Variants in DMPK observed in about 807,000 individuals in gnomAD.
The protein encoded by DMPK is myotonin-protein kinase.
Under a neutral mutation model 70.3 loss-of-function variants are expected in DMPK, and 32 were observed. The observed-to-expected ratio is 0.46, with a 90% CI of 0.34 to 0.61. The LOEUF (loss-of-function observed/expected upper bound fraction) is 0.61, where lower values mean the gene tolerates loss of function less well. Among genes scored for constraint, DMPK ranks in the 20% least tolerant of loss-of-function variants. The pLI is 0.01. For missense variants in DMPK, 899 were observed against 886.0 expected, an observed-to-expected ratio of 1.01 and a Z score of -0.19; for synonymous variants, 469 against 390.9, an observed-to-expected ratio of 1.20 and a Z score of -2.36.
chr19:45,780,728 G>A, intron 1 of DMPK: 5 of 616,644 alleles, frequency 8.1e-6, no homozygotes, highest in Non-Finnish European at 1.0e-5. Flanking sequence ...GGAGGAAAGA[G>A]AGGGGTTCCG....
chr19:45,781,779 C>A (rs1048525198), intron 1 of DMPK, among the ~76,000 whole-genome samples: 3 of 152,212 alleles, frequency 2.0e-5, no homozygotes, highest in African/African-American at 7.2e-5. Context: ...TGCTGGCCCT[C>A]CTGGCTTGCC....
chr19:45,781,263 G>A (rs1970100318), intron 1 of DMPK, among the ~76,000 whole-genome samples: 1 of 152,212 alleles, frequency 6.6e-6, no homozygotes, highest in Non-Finnish European at 1.5e-5. Flanking sequence ...GGCCAGAGGG[G>A]CAGGGTGCTG....
chr19:45,780,132 G>C (rs918535880), intron 1 of DMPK: 2 of 1,441,984 alleles, frequency 1.4e-6, no homozygotes, highest in African/African-American at 1.4e-5. Flanking sequence ...TGTGCAGGAT[G>C]GTTAGGGTGG....
In DMPK at chr19:45,774,936, G is replaced by A. The variant is rs1421153065; in HGVS notation, c.1232+13C>T. 1 of 1,612,160 alleles carries A rather than the reference G, an allele frequency of 6.2e-7. No individual in the cohort carries two copies. The highest frequency in any genetic ancestry group is 1.7e-5 in the Admixed American group (1 of 60,018). ...CCTCGTGGCCCCTGGAGGCCGTCCA[G>A]GGCAGTGCTTACCTGAGGGCCATGC... On this transcript the variant is annotated intron_variant, in intron 9 of 14. Coordinates refer to ENST00000291270, the MANE Select transcript of DMPK (RefSeq NM_004409.5).
chr19:45,779,248 C>A lies in DMPK; in HGVS notation c.432+16G>T. 6.2e-7 allele frequency: 1 copy of A among 1,613,104 alleles called. No homozygotes were observed. ...GCTCTTGTCCCTCTTCCTAGTCACC[C>A]CGGCCCGGAGCTCACCAGGTAGTTC... On this transcript the variant is annotated intron_variant, in intron 4 of 14. Coordinates refer to ENST00000291270, the MANE Select transcript of DMPK (RefSeq NM_004409.5).
Position 45,770,225 on chromosome 19 carries a change from G to GCAGCAGCAGCAGCAA in DMPK, c.*262_*263insTTGCTGCTGCTGCTG. 6.8e-6 allele frequency: 1 copy of GCAGCAGCAGCAGCAA among 146,492 alleles called. No homozygotes were observed. Among genetic ancestry groups the GCAGCAGCAGCAGCAA allele is most frequent in the East Asian group, 6.2e-4 (1 of 1,614 alleles). The allele number at this position is 146,492 out of a possible 1,614,324, so 9.1% of individuals were successfully genotyped here. On this transcript the variant is annotated 3_prime_UTR_variant, in exon 15 of 15. Coordinates refer to ENST00000291270, the MANE Select transcript of DMPK (RefSeq NM_004409.5). ...CCCCCCAGCAGCAGCAGCAGCAGCA[G>GCAGCAGCAGCAGCAA]CAGCAGCAGCAGCAGCAGCAGCAGC...
rs769513377 is a variant in DMPK at position 45,778,543 on chromosome 19, C to T, written c.531G>A (p.Ala177=). Reference sequence around the variant, plus strand: ...CCGAGTCTATGGCCATGACAATCTCCGCCAGGTAGAAGCGCGCCATCTCGG... The same window carrying T: ...CCGAGTCTATGGCCATGACAATCTCTGCCAGGTAGAAGCGCGCCATCTCGG... ...IPAEMARFYL[A]EIVMAIDSVH... The change falls in exon 5 of 15, where the codon GCG becomes GCA. Residue 177 remains alanine, a synonymous_variant. Transcript: ENST00000291270. 9 of 1,613,872 alleles carry T rather than the reference C, an allele frequency of 5.6e-6. No individual in the cohort carries two copies. Among genetic ancestry groups the T allele is most frequent in the Admixed American group, 1.7e-5 (1 of 59,998 alleles).
In DMPK at chr19:45,770,067, T is replaced by C. The variant is rs1019543541; in HGVS notation, c.*421A>G. 6.1e-6 allele frequency: 3 copies of C among 491,370 alleles called. No homozygotes were observed. Among genetic ancestry groups the C allele is most frequent in the Admixed American group, 2.9e-5 (1 of 34,836 alleles). 30.4% of individuals were successfully genotyped at this position (491,370 alleles called of 1,614,324 possible). On this transcript the variant is annotated 3_prime_UTR_variant, in exon 15 of 15. Coordinates refer to ENST00000291270, the MANE Select transcript of DMPK (RefSeq NM_004409.5). The stretch of plus-strand genomic sequence containing the variant: ...TCATGCACAAGAAAGCTTTGCACTT[T>C]GCGAACCAACGATAGGTGGGGGTGC...
At position 45,770,110 on chromosome 19, in the gene DMPK, G is replaced by C; in HGVS notation, c.*378C>G. 2 of 603,890 alleles carry C rather than the reference G, an allele frequency of 3.3e-6. No homozygotes were observed. The highest frequency in any genetic ancestry group is 1.7e-5 in the South Asian group (1 of 58,478). 37.4% of individuals were successfully genotyped at this position (603,890 alleles called of 1,614,324 possible). A position where few individuals can be genotyped will look rare whatever the true frequency, so the allele number is the denominator to read the frequency against. The stretch of plus-strand genomic sequence containing the variant: ...GGGGGTGCGTGGAGGATGGAACACG[G>C]ACGGCCCGGCTTGCTGCCTTCCCAG... On this transcript the variant is annotated 3_prime_UTR_variant, in exon 15 of 15. Coordinates refer to ENST00000291270, the MANE Select transcript of DMPK (RefSeq NM_004409.5).
At chr19:45,775,149 T>C in intron 8 of DMPK, 115 bp from the exon 9 acceptor site, 6 of 742,456 alleles carry the variant, frequency 8.1e-6, no homozygotes, top group South Asian at 8.1e-5. Flanking sequence ...TTATCTAAAG[T>C]GGCCCCTCCA....
chr19:45,781,329 G>A (rs934594991), intron 1 of DMPK, among the ~76,000 whole-genome samples: 4 of 152,172 alleles, frequency 2.6e-5, no homozygotes. Context: ...GGGAGGAGGT[G>A]GGCAGACAAG....
Position 45,777,297 on chromosome 19 carries a change from C to G in DMPK, c.1146+30G>C, listed in dbSNP as rs373470824. ...TATGGAGGGAGCATGGGGAGGTTCC[C>G]GCAGCCGAGCAGGGGCCACAGGTAC... is the stretch of plus-strand genomic sequence containing the variant. On this transcript the variant is annotated intron_variant, in intron 8 of 14. Coordinates refer to ENST00000291270, the MANE Select transcript of DMPK (RefSeq NM_004409.5). This position sits in a 1 kb window ranked among gnomAD's most constrained non-coding sequence, Gnocchi z 6.7. The G allele has an allele frequency of 3.3e-6, 5 of 1,531,848 alleles. No individual in the cohort carries two copies. The highest frequency in any genetic ancestry group is 2.8e-5 in the African/African-American group (2 of 72,464). The allele number at this position is 1,531,848 out of a possible 1,614,324, so 94.9% of individuals were successfully genotyped here.
At chr19:45,771,440 G>A in intron 12 of DMPK, 44 bp from the exon 13 acceptor site, 5 of 1,611,056 alleles carry the variant, frequency 3.1e-6, no homozygotes, top group Non-Finnish European at 4.2e-6. Flanking sequence ...GAGGGGCGAA[G>A]GAGGGCGGTG....
chr19:45,772,345 TG>T, intron 10 of DMPK: 1 of 373,788 alleles, frequency 2.7e-6, no homozygotes, highest in Non-Finnish European at 4.8e-6. Context: ...GCCTTTGCCC[TG>T]GAGGCTCTCG....
In DMPK at chr19:45,782,239, G is replaced by A. The variant is rs764925151; in HGVS notation, c.114C>T (p.Ala38=). ...CGTACTTGTCCTGGGCCAGTTCGGA[G>A]GCGCCCAGCTCCTGGTGGACGCCCA... ...LLLGVHQELG[A]SELAQDKYVA... is the part of the protein sequence containing the mutation. Residue 38 remains alanine, a synonymous_variant, in exon 1 of 15, where the codon GCC becomes GCT. Coordinates refer to ENST00000291270, the MANE Select transcript of DMPK (RefSeq NM_004409.5). The A allele has an allele frequency of 2.5e-5, 40 of 1,609,918 alleles. No individual in the cohort carries two copies. Among genetic ancestry groups the A allele is most frequent in the Non-Finnish European group, 3.1e-5 (37 of 1,178,672 alleles).
In DMPK at chr19:45,782,359, C is replaced by T. The variant is rs773176765; in HGVS notation, c.-7G>A. On this transcript the variant is annotated 5_prime_UTR_variant, in exon 1 of 15. Coordinates refer to ENST00000291270, the MANE Select transcript of DMPK (RefSeq NM_004409.5). ...GCCGCACCTCGGCTGACATGTTGGACAGGCAGCACCATGGCCCCTCCCCGG... is the reference window on the plus strand; with the variant it reads ...GCCGCACCTCGGCTGACATGTTGGATAGGCAGCACCATGGCCCCTCCCCGG... 7.7e-6 allele frequency: 12 copies of T among 1,561,996 alleles called. No homozygotes were observed. In the Admixed American group the frequency reaches 2.1e-4, roughly 27 times the overall value.
rs775329161 is a variant in DMPK, at chr19:45,770,103, G to A, written c.*385C>T. ...GATAGGTGGGGGTGCGTGGAGGATGGAACACGGACGGCCCGGCTTGCTGCC... is the reference window on the plus strand; with the variant it reads ...GATAGGTGGGGGTGCGTGGAGGATGAAACACGGACGGCCCGGCTTGCTGCC... On this transcript the variant is annotated 3_prime_UTR_variant, in exon 15 of 15. Transcript: ENST00000291270. The A allele has an allele frequency of 3.4e-6, 2 of 586,884 alleles. No individual in the cohort carries two copies. Among genetic ancestry groups the A allele is most frequent in the African/African-American group, 1.9e-5 (1 of 52,796 alleles). 36.4% of individuals were successfully genotyped at this position (586,884 alleles called of 1,614,324 possible).
chr19:45,780,055 C>T (rs2146259417), intron 1 of DMPK, 186 bp from the exon 2 acceptor site: 5 of 1,531,856 alleles, frequency 3.3e-6, no homozygotes, highest in Non-Finnish European at 4.4e-6. Flanking sequence ...AAAATGCCCT[C>T]CCATAGAGGT....
In DMPK at chr19:45,782,313, C is replaced by T. The variant is rs1970170218; in HGVS notation, c.40G>A (p.Val14Met). Residue 14 changes from valine (V) to methionine (M), a missense_variant, in exon 1 of 15, where the codon GTG becomes ATG. By Grantham distance (21) the Val-to-Met change is conservative. Transcript: ENST00000291270. ...EVRLRRLQQL[V>M]LDPGFLGLEP... ...AGCCCCAGGAAGCCCGGGTCCAACA[C>T]CAGCTGCTGGAGCCGCCTCAGCCGC... The T allele has an allele frequency of 6.3e-7, 1 of 1,589,330 alleles. No individual in the cohort carries two copies. Among genetic ancestry groups the T allele is most frequent in the South Asian group, 1.1e-5 (1 of 88,050 alleles).
Sources: gnomAD v4.1 joint callset for allele counts (sites outside exome capture counted in the v4.1 genomes callset) on GRCh38, gnomAD v4.1.1 for gene constraint, Gnocchi (gnomAD v3.1) non-coding constraint, MANE v1.5 for transcripts, NCBI Gene and HGNC (gene_info 2026-07-23, HGNC 2026-07-21) for gene names.